Variants in ABCC6 observed in about 807,000 individuals in gnomAD.
ABCC6 encodes ATP-binding cassette sub-family C member 6.
In ABCC6, 126 loss-of-function variants were observed where a neutral mutation model predicts 169.5. The observed-to-expected ratio is 0.74, with a 90% confidence interval of 0.64 to 0.86. The LOEUF (loss-of-function observed/expected upper bound fraction) is 0.86. Among genes scored for constraint, ABCC6 ranks in the 40% least tolerant of loss-of-function variants. The pLI, the probability that ABCC6 is intolerant of heterozygous loss-of-function variation, is 0.00. For missense variants in ABCC6, 1,733 were observed against 1,927.2 expected (o/e 0.90, Z 1.89); for synonymous variants, 752 against 814.7 (o/e 0.92, Z 1.31).
At chr16:16,204,749 G>A (rs1314843907) in intron 7 of ABCC6, among the ~76,000 whole-genome samples, 2 of 152,178 alleles carry the variant, frequency 1.3e-5, no homozygotes, top group Non-Finnish European at 2.9e-5. Flanking sequence ...CTCTCTGTGT[G>A]TGAGAGGATG....
chr16:16,173,377 G>A lies in ABCC6; in HGVS notation c.2694C>T (p.Asp898=). Residue 898 remains aspartate (D), a synonymous_variant, in exon 21 of 31, where the codon GAC becomes GAT. Transcript: ENST00000205557. ...ERSIKSVPEK[D]RTTSEAQTEV... ...CTGTCTGGGCTTCTGAAGTGGTACG[G>A]TCCTTCTCAGGGACTGACTTGATGG... 6.2e-7 allele frequency: 1 copy of A among 1,614,086 alleles called. No homozygotes were observed. Among genetic ancestry groups the A allele is most frequent in the Non-Finnish European group, 8.5e-7 (1 of 1,180,018 alleles).
chr16:16,205,038 G>C (rs979865131), intron 7 of ABCC6, among the ~76,000 whole-genome samples: 1 of 151,950 alleles, frequency 6.6e-6, no homozygotes, highest in Non-Finnish European at 1.5e-5. Flanking sequence ...GTTTCACAAC[G>C]TTAGCCAGGC....
intron 10 of ABCC6, 91 bp from the exon 11 acceptor site, chr16:16,193,013 A>G (rs2047916198): frequency 1.8e-6 from 2 of 1,104,690 alleles, no homozygotes; most frequent in Non-Finnish European, 1.4e-6. Flanking sequence ...TTGAATAGGG[A>G]CTGGGTAAAA....
chr16:16,150,291 C>G, intron 30 of ABCC6, 50 bp from the exon 31 acceptor site: 1 of 1,611,642 alleles, frequency 6.2e-7, no homozygotes, highest in South Asian at 1.1e-5. Context: ...AGCCCAGGCT[C>G]TCGGCAGCTG....
intron 10 of ABCC6, 114 bp from the exon 11 acceptor site, chr16:16,193,036 C>T: frequency 1.2e-6 from 1 of 856,032 alleles, no homozygotes; most frequent in Non-Finnish European, 1.9e-6. Context: ...AGGCTGAGAC[C>T]TACTGGGCTG....
intron 26 of ABCC6, among the ~76,000 whole-genome samples, chr16:16,158,464 C>T (rs2046618705): frequency 6.6e-6 from 1 of 152,018 alleles, no homozygotes; most frequent in African/African-American, 2.4e-5. Flanking sequence ...CATCTCCAAT[C>T]CCATCCCTCC....
chr16:16,196,712 A>G (rs1426661216), intron 10 of ABCC6, among the ~76,000 whole-genome samples: 3 of 151,940 alleles, frequency 2.0e-5, no homozygotes, highest in Non-Finnish European at 2.9e-5. Flanking sequence ...ACTTTTATTT[A>G]TTTGTTGGAG....
In ABCC6 at chr16:16,203,194, A is replaced by G. The variant is rs377202441; in HGVS notation, c.998+216T>C. 2.3e-3 allele frequency among the ~76,000 whole-genome samples: 354 copies of G among 152,364 alleles called. 4 individuals carry two copies. Among genetic ancestry groups the G allele is most frequent in the African/African-American group, 8.0e-3 (332 of 41,574 alleles). On this transcript the variant is annotated intron_variant, in intron 8 of 30. Transcript: ENST00000205557. ...GGCATTTTACAGCAAAAACTAATTGATGCAGTCAGGTAAGAGCTTGCTTAT... is the reference window on the plus strand; with the variant it reads ...GGCATTTTACAGCAAAAACTAATTGGTGCAGTCAGGTAAGAGCTTGCTTAT...
rs1481438429 is a variant in ABCC6 at position 16,158,424 on chromosome 16, C to CCCAT, written c.3736-619_3736-616dup. Among the ~76,000 whole-genome samples, 4 of 142,822 alleles carry CCCAT rather than the reference C, an allele frequency of 2.8e-5. No homozygotes were observed. In the East Asian group the frequency reaches 6.7e-4, roughly 24 times the overall value. 93.7% of individuals were successfully genotyped at this position (142,822 alleles called of 152,430 possible). On this transcript the variant is annotated intron_variant, in intron 26 of 30. Coordinates refer to ENST00000205557, the MANE Select transcript of ABCC6 (RefSeq NM_001171.6). ...CTTATCCTTTATCCACCCCATCCCACCCATCCATCCATCCATGCATCCATC... is the reference window on the plus strand; with the variant it reads ...CTTATCCTTTATCCACCCCATCCCACCCATCCATCCATCCATCCATGCATCCATC...
chr16:16,206,962 C>T (rs2048412036), intron 7 of ABCC6, among the ~76,000 whole-genome samples: 1 of 152,186 alleles, frequency 6.6e-6, no homozygotes, highest in Admixed American at 6.6e-5. Context: ...CATGGTGAGA[C>T]CCTGTCTCTA....
chr16:16,222,042 A>G (rs1189614750), intron 1 of ABCC6, among the ~76,000 whole-genome samples: 1 of 152,190 alleles, frequency 6.6e-6, no homozygotes, highest in Admixed American at 6.5e-5. Flanking sequence ...GAAGAAGCTG[A>G]GGACCAGAGA....
Position 16,161,572 on chromosome 16 carries a change from G to C in ABCC6, c.3507-8C>G. On this transcript the variant is annotated splice_region_variant and splice_polypyrimidine_tract_variant and intron_variant, in intron 24 of 30. Coordinates refer to ENST00000205557, the MANE Select transcript of ABCC6 (RefSeq NM_001171.6). ...ACATTGGCCGCAAGCCACCTGCAAA[G>C]GGAAGCGACAGCAGGGTGAGTGGTT... 6.2e-7 allele frequency: 1 copy of C among 1,613,880 alleles called. No homozygotes were observed. The highest frequency in any genetic ancestry group is 8.5e-7 in the Non-Finnish European group (1 of 1,180,032).
chr16:16,207,640 A>C (rs911837576), intron 7 of ABCC6, among the ~76,000 whole-genome samples: 50 of 152,154 alleles, frequency 3.3e-4, no homozygotes, highest in Admixed American at 4.6e-4. Context: ...GGAACTTCCC[A>C]CAGAGCTAAC....
chr16:16,214,514 G>T (rs1253511079), intron 4 of ABCC6, 65 bp from the exon 5 acceptor site: 36 of 1,551,000 alleles, frequency 2.3e-5, no homozygotes, highest in Non-Finnish European at 3.0e-5. Context: ...GAGAGAAAAG[G>T]TTTCTGATCT....
intron 18 of ABCC6, among the ~76,000 whole-genome samples, chr16:16,178,145 G>C (rs1490254146): frequency 6.6e-6 from 1 of 152,022 alleles, no homozygotes; most frequent in East Asian, 1.9e-4. Flanking sequence ...GGCCAACATG[G>C]TGAAACCCTT....
At chr16:16,206,829 G>A (rs2048407009) in intron 7 of ABCC6, among the ~76,000 whole-genome samples, 1 of 152,096 alleles carries the variant, frequency 6.6e-6, no homozygotes, top group Admixed American at 6.6e-5. Context: ...TGCCACTTCC[G>A]TAAAATCATT....
chr16:16,159,781 T>C (rs1323737173), intron 25 of ABCC6, among the ~76,000 whole-genome samples, 198 bp from the exon 26 acceptor site: 2 of 152,146 alleles, frequency 1.3e-5, no homozygotes, highest in African/African-American at 4.8e-5. Flanking sequence ...CTTCCTTCAG[T>C]AGAACCAGAG....
At position 16,216,521 on chromosome 16, in the gene ABCC6, T is replaced by C. The variant is rs2048881136; in HGVS notation, c.475-2072A>G. Among the ~76,000 whole-genome samples the C allele has an allele frequency of 3.3e-5, 5 of 151,918 alleles. No individual in the cohort carries two copies. In the South Asian group the frequency reaches 8.3e-4, roughly 25 times the overall value. ...AAAATGACAGTACCTCATTCTTTTT[T>C]ATGGCTGCATAGTACTTCATTGTGT... On this transcript the variant is annotated intron_variant, in intron 4 of 30. Coordinates refer to ENST00000205557, the MANE Select transcript of ABCC6 (RefSeq NM_001171.6).
rs2049091343 is a variant in ABCC6 at position 16,221,977 on chromosome 16, T to G, written c.37-146A>C. ...CTTTGGAATACCTACTAATTCTCAA[T>G]TCCTTTCATCCTGACATTAACCCTA... On this transcript the variant is annotated intron_variant, in intron 1 of 30. Coordinates refer to ENST00000205557, the MANE Select transcript of ABCC6 (RefSeq NM_001171.6). 5.0e-6 allele frequency: 6 copies of G among 1,189,326 alleles called. No homozygotes were observed. In the Admixed American group the frequency reaches 1.3e-4, roughly 26 times the overall value. The allele number at this position is 1,189,326 out of a possible 1,614,324, so 73.7% of individuals were successfully genotyped here.
Sources: allele counts gnomAD v4.1 joint callset (sites outside exome capture counted in the v4.1 genomes callset), GRCh38; gene constraint gnomAD v4.1.1; transcripts MANE v1.5; gene names NCBI Gene and HGNC (gene_info 2026-07-23, HGNC 2026-07-21).